SHF: variants seen among roughly 807,000 people sequenced by gnomAD.
The protein encoded by SHF is SH2 domain-containing adapter protein F.
A neutral mutation model predicts 42.4 loss-of-function variants in SHF; 30 were observed. The ratio of observed to expected loss-of-function variants is 0.71; its 90% confidence interval spans 0.53 to 0.96. SHF has a LOEUF of 0.96. Among genes scored for constraint, SHF ranks in the 40% least tolerant of loss-of-function variants. The pLI, the probability that SHF is intolerant of heterozygous loss-of-function variation, is 0.00. For missense variants in SHF, 598 were observed against 634.0 expected (o/e 0.94, Z 0.61); for synonymous variants, 264 against 269.9 (o/e 0.98, Z 0.21).
chr15:45,175,166 C>T, intron 3 of SHF, 53 bp downstream of exon 3: 2 of 1,536,868 alleles, frequency 1.3e-6, no homozygotes, highest in East Asian at 2.4e-5. Flanking sequence ...TCTCTTGAGC[C>T]TGGAAAGCTG....
intron 3 of SHF, chr15:45,174,249 C>T (rs1427553757): frequency 1.2e-5 from 2 of 171,630 alleles, no homozygotes; most frequent in Non-Finnish European, 2.5e-5. Context: ...ATCCCCACCC[C>T]CCATCCTGAG....
At chr15:45,198,949 C>T (rs755289465) in exon 2 of SHF, 40 of 1,613,788 alleles carry the variant, frequency 2.5e-5, no homozygotes, top group Non-Finnish European at 3.1e-5. Flanking sequence ...AGGAATGGGG[C>T]TGGGCGGAAC....
chr15:45,187,871 C>G lies in SHF; in HGVS notation c.81G>C (p.Gly27=). The part of the protein sequence containing the change: ...TQGSAGGGPG[G]SRRGAGGAGA... The stretch of plus-strand genomic sequence containing the variant: ...CCGCACCCCCGGCGCCCCGGCGGGA[C>G]CCCCCCGGGCCGCCCCCAGCGCTCC... The change falls in exon 1 of 7, where the codon GGG becomes GGC. Residue 27 remains glycine, a synonymous_variant. Coordinates refer to ENST00000690270, the MANE Select transcript of SHF (RefSeq NM_001394037.1). The G allele has an allele frequency of 8.9e-7, 1 of 1,125,792 alleles. No homozygotes were observed. The highest frequency in any genetic ancestry group is 1.1e-6 in the Non-Finnish European group (1 of 904,904). 69.7% of individuals were successfully genotyped at this position (1,125,792 alleles called of 1,614,324 possible). A position where few individuals can be genotyped will look rare whatever the true frequency, so the allele number is the denominator to read the frequency against.
Position 45,175,242 on chromosome 15 carries a change from T to C in SHF, c.824A>G (p.Glu275Gly). 3 of 1,610,742 alleles carry C rather than the reference T, an allele frequency of 1.9e-6. No individual in the cohort carries two copies. In the South Asian group the frequency reaches 3.3e-5, roughly 18 times the overall value. ...EYDQPWEWKK[E>G]RISKAFAVDI... ...ACCTGCAAAGGCTTTGGAAATCCGC[T>C]CCTTCTTCCACTCCCAGGGCTGGTC... Residue 275 changes from glutamate to glycine, a missense_variant, in exon 3 of 7, where the codon GAG becomes GGG. By Grantham distance (98) the Glu-to-Gly change is moderately conservative. This residue lies in a region of SHF where 439 missense variants were observed against 524.6 expected (regional missense o/e 0.84). Coordinates refer to ENST00000690270, the MANE Select transcript of SHF (RefSeq NM_001394037.1).
Position 45,198,814 on chromosome 15 carries a change from G to T in SHF, c.261C>A (p.Arg87=), listed in dbSNP as rs1457358859. The T allele has an allele frequency of 3.1e-6, 5 of 1,613,936 alleles. No individual in the cohort carries two copies. In the Admixed American group the frequency reaches 8.3e-5, roughly 27 times the overall value. The change falls in exon 2 of 8, where the codon CGC becomes CGA. Residue 87 remains arginine, a synonymous_variant. Transcript: ENST00000290894. ...TGTCCCTGAGTCTGATAATGCGCAG[G>T]CGCGTTGTACTCCGCCAGTTGCTTT...
At chr15:45,200,983 GA>G (rs1251700945) in exon 1 of SHF, 2 of 397,236 alleles carry the variant, frequency 5.0e-6, no homozygotes, top group Non-Finnish European at 5.0e-6. Flanking sequence ...CAGCCAAGAG[GA>G]GACTTCGGGC....
At chr15:45,173,534 G>GT in intron 4 of SHF, 42 bp downstream of exon 4, 1 of 1,458,462 alleles carries the variant, frequency 6.9e-7, no homozygotes, top group Non-Finnish European at 9.0e-7. Context: ...GCCTGGAGGG[G>GT]TGAGGACATG....
At chr15:45,188,624 C>T (rs1226567494), upstream of SHF, among the ~76,000 whole-genome samples, 1 of 152,258 alleles carries the variant, frequency 6.6e-6, no homozygotes, top group Non-Finnish European at 1.5e-5. Context: ...CACACACGCC[C>T]TTCTCACACG....
exon 2 of SHF, chr15:45,199,001 G>A (rs761540266): frequency 6.2e-7 from 1 of 1,611,224 alleles, no homozygotes; most frequent in South Asian, 1.1e-5. Context: ...ATGCCCCGGA[G>A]ACCCTTGCCG....
chr15:45,192,881 T>C (rs1045239540), upstream of SHF, among the ~76,000 whole-genome samples: 9 of 152,198 alleles, frequency 5.9e-5, no homozygotes, highest in African/African-American at 1.9e-4. Flanking sequence ...AGGTTACACA[T>C]TTCTGAAAGG....
chr15:45,172,353 C>T, intron 4 of SHF, 35 bp from the exon 5 acceptor site: 1 of 1,536,306 alleles, frequency 6.5e-7, no homozygotes, highest in Middle Eastern at 1.8e-4. Context: ...ACTCTAAGGA[C>T]CCTAGAGGTC....
At chr15:45,196,588 C>T (rs1292057471) in intron 2 of SHF, among the ~76,000 whole-genome samples, 1 of 152,102 alleles carries the variant, frequency 6.6e-6, no homozygotes, top group Non-Finnish European at 1.5e-5. Flanking sequence ...TGTTTTTCTT[C>T]CCTCCTTACT....
chr15:45,195,118 C>T (rs1173634350), intron 2 of SHF, among the ~76,000 whole-genome samples: 1 of 152,216 alleles, frequency 6.6e-6, no homozygotes, highest in African/African-American at 2.4e-5. Flanking sequence ...AGGCATGAGC[C>T]ACTGTGCCTG....
At chr15:45,171,794 C>G in intron 6 of SHF, 89 bp downstream of exon 6, 1 of 1,408,022 alleles carries the variant, frequency 7.1e-7, no homozygotes, top group Non-Finnish European at 9.7e-7. Context: ...GGGATGGGGA[C>G]CTCCCCAGCT....
intron 1 of SHF, chr15:45,200,557 T>A (rs540471151): frequency 1.6e-5 from 6 of 364,870 alleles, no homozygotes; most frequent in African/African-American, 1.3e-4. Context: ...CCCCTTGCAA[T>A]GTCATTGATT....
chr15:45,185,838 G>A (rs1339595929), intron 1 of SHF, among the ~76,000 whole-genome samples: 2 of 152,206 alleles, frequency 1.3e-5, no homozygotes, highest in Admixed American at 6.5e-5. Context: ...CCCTGATAAT[G>A]GACAGTCACC....
chr15:45,186,330 C>T (rs1480502052), intron 1 of SHF, among the ~76,000 whole-genome samples: 3 of 152,240 alleles, frequency 2.0e-5, no homozygotes, highest in African/African-American at 7.2e-5. Flanking sequence ...GGCGGAACGG[C>T]GCTCTCTCAG....
intron 1 of SHF, chr15:45,200,187 T>C (rs1899028007): frequency 6.5e-6 from 1 of 154,158 alleles, no homozygotes; most frequent in Non-Finnish European, 1.4e-5. Flanking sequence ...CAACACTTTT[T>C]AAACTGGCGA....
At position 45,167,985 on chromosome 15, in the gene SHF, T is replaced by C; in HGVS notation, c.1429A>G (p.Met477Val). 5 of 1,612,756 alleles carry C rather than the reference T, an allele frequency of 3.1e-6. No individual in the cohort carries two copies. Among genetic ancestry groups the C allele is most frequent in the Non-Finnish European group, 4.2e-6 (5 of 1,179,306 alleles). Residue 477 changes from methionine (M) to valine (V), a missense_variant, in exon 7 of 7, where the codon ATG becomes GTG. Around this residue, in one of 2 missense-constraint regions of SHF, gnomAD observed 439 missense variants for 524.6 expected, o/e 0.84. Transcript: ENST00000690270. Reference protein sequence around the residue: ...RKLPIKGAEHMSLLYPVAIRT... With the variant: ...RKLPIKGAEHVSLLYPVAIRT... Reference sequence around the variant, plus strand: ...ATGGCCACAGGGTAGAGCAGGGACATGTGTTCGGCTCCCTTAATGGGTAGC... The same window carrying C: ...ATGGCCACAGGGTAGAGCAGGGACACGTGTTCGGCTCCCTTAATGGGTAGC...
Sources: gnomAD v4.1 joint callset for allele counts (sites outside exome capture counted in the v4.1 genomes callset) on GRCh38, gnomAD v4.1.1 for gene constraint, gnomAD v4.1.1 regional missense constraint, MANE v1.5 for transcripts, NCBI Gene and HGNC (gene_info 2026-07-23, HGNC 2026-07-21) for gene names.